Variants in AJAP1 observed in about 807,000 individuals in gnomAD.
AJAP1 encodes adherens junctions associated protein 1.
AJAP1 carries 5 observed loss-of-function variants against 35.0 expected under a neutral mutation model. The observed-to-expected ratio is 0.14, with a 90% CI of 0.07 to 0.30. AJAP1 has a LOEUF of 0.30. Ranked by LOEUF, AJAP1 falls within the 10% of genes least tolerant of loss-of-function variation. The probability of loss-of-function intolerance (pLI) is 1.00; values close to 1 mark genes in which losing one functional copy is unlikely to be tolerated. For missense variants in AJAP1, 586 were observed against 571.0 expected (o/e 1.03, Z -0.27); for synonymous variants, 284 against 249.3 (o/e 1.14, Z -1.31).
chr1:4,669,480 A>C (rs1005999166), intron 1 of AJAP1, among the ~76,000 whole-genome samples: 6 of 152,204 alleles, frequency 3.9e-5, no homozygotes, highest in African/African-American at 1.4e-4. Flanking sequence ...GAGTGCAAGC[A>C]GGGGAAATTC....
intron 4 of AJAP1, among the ~76,000 whole-genome samples, chr1:4,773,454 T>C (rs1007583360): frequency 6.6e-6 from 1 of 152,252 alleles, no homozygotes; most frequent in African/African-American, 2.4e-5. Context: ...TTGGCTAGAA[T>C]GAGCAGATGT....
intron 2 of AJAP1, among the ~76,000 whole-genome samples, chr1:4,747,137 G>A (rs967947597): frequency 6.6e-6 from 1 of 152,210 alleles, no homozygotes; most frequent in Non-Finnish European, 1.5e-5. Context: ...GAGAAGGAGA[G>A]GAAGAGGTCC....
intron 2 of AJAP1, among the ~76,000 whole-genome samples, chr1:4,743,019 T>A (rs2100319976): frequency 6.6e-6 from 1 of 152,244 alleles, no homozygotes; most frequent in Non-Finnish European, 1.5e-5. Context: ...ACCCCTCAGG[T>A]CCCCTGTCCC....
rs144818013 is a variant in AJAP1, at chr1:4,769,903, A to G, written c.880A>G (p.Ile294Val). The stretch of plus-strand genomic sequence containing the variant: ...CATCACCGTCTCCCTCATCATGGTC[A>G]TAGCTGCTCTCATCACAACTCTTGT... ...ITITVSLIMV[I>V]AALITTLVLK... Residue 294 changes from isoleucine to valine, a missense_variant, in exon 3 of 6, where the codon ATA becomes GTA. Physicochemically the swap from Ile to Val is conservative, Grantham distance 29 (BLOSUM62 3). Coordinates refer to ENST00000378191, the MANE Select transcript of AJAP1 (RefSeq NM_018836.4). The G allele has an allele frequency of 8.8e-4, 1,415 of 1,613,976 alleles. 1 individual carries two copies. Among genetic ancestry groups the G allele is most frequent in the Non-Finnish European group, 1.1e-3 (1,307 of 1,180,008 alleles).
chr1:4,705,895 T>C (rs10915592), intron 1 of AJAP1, among the ~76,000 whole-genome samples: 28,931 of 151,906 alleles, frequency 0.19, 2,840 homozygotes, highest in Middle Eastern at 0.27. Context: ...ACTGGAGAAG[T>C]CCAAGCCACG....
At chr1:4,665,385 A>T (rs901824605) in intron 1 of AJAP1, among the ~76,000 whole-genome samples, 2 of 152,154 alleles carry the variant, frequency 1.3e-5, no homozygotes, top group Non-Finnish European at 2.9e-5. Context: ...AAGCCCCGGT[A>T]CTGGGCTAAT....
At chr1:4,687,939 C>G (rs1356766565) in intron 1 of AJAP1, among the ~76,000 whole-genome samples, 3 of 152,252 alleles carry the variant, frequency 2.0e-5, no homozygotes, top group African/African-American at 7.2e-5. Context: ...GCCTTCACAG[C>G]TGAGGAAGGG....
chr1:4,701,335 C>G (rs566439562), intron 1 of AJAP1, among the ~76,000 whole-genome samples: 36 of 152,352 alleles, frequency 2.4e-4, no homozygotes, highest in African/African-American at 8.4e-4. Context: ...AGGTTGGTTA[C>G]ACGGGTTAGT....
At chr1:4,687,755 C>T (rs1639641141) in intron 1 of AJAP1, among the ~76,000 whole-genome samples, 1 of 152,138 alleles carries the variant, frequency 6.6e-6, no homozygotes, top group Non-Finnish European at 1.5e-5. Context: ...AACGCCCAGC[C>T]CAGGGAGGTG....
intron 2 of AJAP1, among the ~76,000 whole-genome samples, chr1:4,756,034 A>G (rs1280420718): frequency 3.3e-5 from 5 of 152,128 alleles, no homozygotes; most frequent in African/African-American, 9.7e-5. Flanking sequence ...TTTGCTAAGC[A>G]TAGACTTATG....
At position 4,782,811 on chromosome 1, in the gene AJAP1, C is replaced by G. The variant is rs559862037; in HGVS notation, c.*326C>G. 21 of 398,574 alleles carry G rather than the reference C, an allele frequency of 5.3e-5. No individual in the cohort carries two copies. In the South Asian group the frequency reaches 2.7e-3, roughly 51 times the overall value. 24.7% of individuals were successfully genotyped at this position (398,574 alleles called of 1,614,324 possible). ...ACCAGAGGCAGAGAGACGAGGATACCCAGCGAAAGGGACGGGAGGAAGCAT... is the reference window on the plus strand; with the variant it reads ...ACCAGAGGCAGAGAGACGAGGATACGCAGCGAAAGGGACGGGAGGAAGCAT... On this transcript the variant is annotated 3_prime_UTR_variant, in exon 6 of 6. Coordinates refer to ENST00000378191, the MANE Select transcript of AJAP1 (RefSeq NM_018836.4). This position sits in a 1 kb window ranked among gnomAD's most constrained non-coding sequence, Gnocchi z 5.3.
At chr1:4,711,827 G>T in intron 1 of AJAP1, 73 bp from the exon 2 acceptor site, 1 of 1,246,184 alleles carries the variant, frequency 8.0e-7, no homozygotes, top group Non-Finnish European at 1.1e-6. Context: ...GGGGTGGAGA[G>T]AGAGGGCCCC....
At chr1:4,751,547 C>T (rs189073091) in intron 2 of AJAP1, among the ~76,000 whole-genome samples, 2 of 152,336 alleles carry the variant, frequency 1.3e-5, no homozygotes, top group Admixed American at 1.3e-4. Flanking sequence ...TGCTGCTTCT[C>T]TGGAGACACT....
chr1:4,735,453 C>T (rs950740665), intron 2 of AJAP1, among the ~76,000 whole-genome samples: 1 of 152,190 alleles, frequency 6.6e-6, no homozygotes, highest in African/African-American at 2.4e-5. Flanking sequence ...TCCAATTTTG[C>T]AGGAAAGGAG....
Position 4,692,616 on chromosome 1 carries a change from G to A in AJAP1, c.30-19284G>A, listed in dbSNP as rs1002458718. Among the ~76,000 whole-genome samples, 1 of 152,188 alleles carries A rather than the reference G, an allele frequency of 6.6e-6. No individual in the cohort carries two copies. Among genetic ancestry groups the A allele is most frequent in the African/African-American group, 2.4e-5 (1 of 41,440 alleles). ...TTCCCTAGTGGACCCCACAAATCAAGCCTCATCATTCCTTCTCTCCCTGCC... is the reference window on the plus strand; with the variant it reads ...TTCCCTAGTGGACCCCACAAATCAAACCTCATCATTCCTTCTCTCCCTGCC... On this transcript the variant is annotated intron_variant, in intron 1 of 5. Coordinates refer to ENST00000378191, the MANE Select transcript of AJAP1 (RefSeq NM_018836.4). This position sits in a 1 kb window ranked among gnomAD's most constrained non-coding sequence, Gnocchi z 4.4.
chr1:4,662,549 C>T (rs577906998), intron 1 of AJAP1, among the ~76,000 whole-genome samples: 18 of 152,298 alleles, frequency 1.2e-4, no homozygotes, highest in South Asian at 8.3e-4. Context: ...TTCGCGTGCA[C>T]GCCTCGGGAT....
chr1:4,751,029 AT>A, intron 2 of AJAP1, among the ~76,000 whole-genome samples: 1 of 151,868 alleles, frequency 6.6e-6, no homozygotes, highest in East Asian at 2.0e-4. Context: ...TCACCACTCG[AT>A]AGTGACCAGG....
intron 1 of AJAP1, among the ~76,000 whole-genome samples, chr1:4,681,162 G>A (rs1570105021): frequency 6.6e-6 from 1 of 152,314 alleles, no homozygotes; most frequent in East Asian, 1.9e-4. Context: ...CAAACATCAA[G>A]TGTTATTTCA....
intron 1 of AJAP1, among the ~76,000 whole-genome samples, chr1:4,705,400 T>C (rs796127016): frequency 2.2e-3 from 144 of 66,728 alleles, no homozygotes; most frequent in African/African-American, 7.7e-3. Flanking sequence ...AAGAGCTTTT[T>C]TTTTTTTTTT....
Sources: gnomAD v4.1 joint callset for allele counts (sites outside exome capture counted in the v4.1 genomes callset) on GRCh38, gnomAD v4.1.1 for gene constraint, Gnocchi (gnomAD v3.1) non-coding constraint, MANE v1.5 for transcripts, NCBI Gene and HGNC (gene_info 2026-07-23, HGNC 2026-07-21) for gene names.